The following FBXL17 variants were observed in gnomAD, a reference collection of about 807,000 sequenced individuals.
FBXL17 encodes the protein F-box/LRR-repeat protein 17.
In FBXL17, 22 loss-of-function variants were observed where a neutral mutation model predicts 66.2. The observed-to-expected ratio is 0.33, with a 90% CI of 0.24 to 0.47. FBXL17 has a LOEUF of 0.47. FBXL17 is among the 20% of genes least tolerant of loss of function. FBXL17 has a pLI of 1.00. For synonymous variants in FBXL17, 474 were observed against 400.5 expected, an observed-to-expected ratio of 1.18 and a Z score of -2.19; for missense variants, 878 against 948.2, an observed-to-expected ratio of 0.93 and a Z score of 0.97.
Position 108,127,643 on chromosome 5 carries a change from A to G in FBXL17, c.1745+58474T>C, listed in dbSNP as rs534293977. ...ATTCTGAAGCATGGTATTGTTTCCA[A>G]TTAAAAAAATCTTTAATAGATTTTT... On this transcript the variant is annotated intron_variant, in intron 6 of 8. Coordinates refer to ENST00000542267, the MANE Select transcript of FBXL17 (RefSeq NM_001163315.3). Among the ~76,000 whole-genome samples the G allele has an allele frequency of 3.1e-4, 47 of 152,278 alleles. No homozygotes were observed. The South Asian group carries it at 5.8e-3, about 19-fold the overall frequency.
At chr5:107,980,664 A>ATATATATATTTTTTTTTTT in intron 7 of FBXL17, among the ~76,000 whole-genome samples, 34 of 62,062 alleles carry the variant, frequency 5.5e-4, no homozygotes, top group Middle Eastern at 6.2e-3. Flanking sequence ...ATATATATAT[A>ATATATATATTTTTTTTTTT]TTTTTTTTTT....
At chr5:108,143,123 C>G (rs1751420005) in intron 6 of FBXL17, among the ~76,000 whole-genome samples, 1 of 151,870 alleles carries the variant, frequency 6.6e-6, no homozygotes, top group South Asian at 2.1e-4. Flanking sequence ...CATTCTGAAA[C>G]CAACCGCTCC....
intron 5 of FBXL17, among the ~76,000 whole-genome samples, chr5:108,194,658 TA>T (rs1251977765): frequency 3.3e-5 from 5 of 152,204 alleles, no homozygotes; most frequent in Non-Finnish European, 5.9e-5. Flanking sequence ...AATCTAATCT[TA>T]ATGCTTGGCC....
chr5:108,146,015 G>T (rs957244559), intron 6 of FBXL17, among the ~76,000 whole-genome samples: 1 of 151,784 alleles, frequency 6.6e-6, no homozygotes, highest in African/African-American at 2.4e-5. Flanking sequence ...TCAGGAGATC[G>T]AAACCATCCT....
chr5:108,070,473 C>T (rs1028304852), intron 6 of FBXL17, among the ~76,000 whole-genome samples: 2 of 152,146 alleles, frequency 1.3e-5, no homozygotes, highest in Non-Finnish European at 2.9e-5. Flanking sequence ...TTTTAAGTCC[C>T]CAACAGGGTT....
At chr5:108,005,124 A>G (rs1274575677) in intron 7 of FBXL17, among the ~76,000 whole-genome samples, 2 of 145,026 alleles carry the variant, frequency 1.4e-5, no homozygotes, top group Non-Finnish European at 3.0e-5. Flanking sequence ...TTGCTCTGTC[A>G]TTTGGAGACC....
chr5:108,133,254 T>A (rs1751005852), intron 6 of FBXL17, among the ~76,000 whole-genome samples: 1 of 152,168 alleles, frequency 6.6e-6, no homozygotes, highest in Non-Finnish European at 1.5e-5. Context: ...TATTTGTGTA[T>A]CTAAAATTTT....
At chr5:108,183,034 A>ATTT (rs34101023) in intron 6 of FBXL17, among the ~76,000 whole-genome samples, 86 of 91,508 alleles carry the variant, frequency 9.4e-4, no homozygotes, top group Middle Eastern at 6.6e-3. Flanking sequence ...ACAGTTTTCT[A>ATTT]TTTTTTTTTT....
At chr5:108,131,477 A>G (rs1232502835) in intron 6 of FBXL17, among the ~76,000 whole-genome samples, 1 of 152,146 alleles carries the variant, frequency 6.6e-6, no homozygotes, top group Non-Finnish European at 1.5e-5. Context: ...CATGGGCATT[A>G]TTAGTTTTAA....
chr5:107,943,100 T>C (rs1447183129), intron 7 of FBXL17, among the ~76,000 whole-genome samples: 1 of 152,142 alleles, frequency 6.6e-6, no homozygotes, highest in Non-Finnish European at 1.5e-5. Context: ...ATCACGTAAA[T>C]GTAGGTGAGC....
At chr5:108,158,580 G>A (rs1308364516) in intron 6 of FBXL17, among the ~76,000 whole-genome samples, 1 of 151,492 alleles carries the variant, frequency 6.6e-6, no homozygotes, top group Admixed American at 6.6e-5. Context: ...GTGAGGGGAG[G>A]TAGAGGCTGA....
intron 4 of FBXL17, among the ~76,000 whole-genome samples, chr5:108,279,426 C>T (rs973656500): frequency 2.0e-5 from 3 of 152,000 alleles, no homozygotes; most frequent in East Asian, 1.9e-4. Flanking sequence ...GAGGAAACCA[C>T]GGATACCAGT....
chr5:108,055,635 A>C (rs950416830), intron 6 of FBXL17, among the ~76,000 whole-genome samples: 1 of 148,004 alleles, frequency 6.8e-6, no homozygotes, highest in Non-Finnish European at 1.5e-5. Flanking sequence ...AAAAAAAGAG[A>C]GAAAAAACCC....
intron 4 of FBXL17, among the ~76,000 whole-genome samples, chr5:108,256,233 C>A (rs1756572511): frequency 6.6e-6 from 1 of 152,128 alleles, no homozygotes; most frequent in South Asian, 2.1e-4. Context: ...ACATTGCAGA[C>A]ATTCAATTAA....
chr5:107,868,616 G>A (rs552036157), intron 8 of FBXL17, among the ~76,000 whole-genome samples: 3 of 152,216 alleles, frequency 2.0e-5, no homozygotes, highest in Non-Finnish European at 4.4e-5. Context: ...AGCCAGATAT[G>A]GTCCCTGCCC....
intron 6 of FBXL17, among the ~76,000 whole-genome samples, chr5:108,127,980 T>C (rs540624182): frequency 1.9e-4 from 29 of 152,288 alleles, no homozygotes; most frequent in African/African-American, 7.0e-4. Context: ...GTGCAGTGCC[T>C]CATGTCTATA....
rs73202541 is a variant in FBXL17, at chr5:107,901,860, G to C, written c.1823-20681C>G. Among the ~76,000 whole-genome samples, 261 of 152,318 alleles carry C rather than the reference G, an allele frequency of 1.7e-3. 1 individual carries two copies. The highest frequency in any genetic ancestry group is 5.5e-3 in the African/African-American group (228 of 41,574). ...CTGGGAATACTGAAATGCCCTCCGTGAAAGTGGGGGCTGTGGTAAACTGGA... is the reference window on the plus strand; with the variant it reads ...CTGGGAATACTGAAATGCCCTCCGTCAAAGTGGGGGCTGTGGTAAACTGGA... On this transcript the variant is annotated intron_variant, in intron 7 of 8. Coordinates refer to ENST00000542267, the MANE Select transcript of FBXL17 (RefSeq NM_001163315.3).
At chr5:108,205,834 T>A (rs1386832204) in intron 5 of FBXL17, among the ~76,000 whole-genome samples, 1 of 152,086 alleles carries the variant, frequency 6.6e-6, no homozygotes, top group African/African-American at 2.4e-5. Flanking sequence ...GTCCCGGGTT[T>A]CAAGCAATTC....
chr5:108,252,563 A>G (rs1415339841), intron 4 of FBXL17, among the ~76,000 whole-genome samples: 1 of 152,180 alleles, frequency 6.6e-6, no homozygotes, highest in Non-Finnish European at 1.5e-5. Flanking sequence ...GTAAAAACAT[A>G]GTAAGATAGT....
Sources: allele counts gnomAD v4.1 joint callset (sites outside exome capture counted in the v4.1 genomes callset), GRCh38; gene constraint gnomAD v4.1.1; transcripts MANE v1.5; gene names NCBI Gene and HGNC (gene_info 2026-07-23, HGNC 2026-07-21).